SGMS1: variants seen among roughly 807,000 people sequenced by gnomAD.
The protein encoded by SGMS1 is sphingomyelin synthase 1, also known as phosphatidylcholine:ceramide cholinephosphotransferase 1.
SGMS1 carries 13 observed loss-of-function variants against 46.2 expected under a neutral mutation model. That is an observed-to-expected ratio of 0.28 (90% CI 0.18 to 0.45). The LOEUF (loss-of-function observed/expected upper bound fraction) is 0.45. Ranked by LOEUF, SGMS1 falls within the 20% of genes least tolerant of loss-of-function variation. The pLI is 1.00. For synonymous variants in SGMS1, 203 were observed against 187.8 expected, an observed-to-expected ratio of 1.08 and a Z score of -0.66; for missense variants, 324 against 519.9, an observed-to-expected ratio of 0.62 and a Z score of 3.66.
chr10:50,402,847 C>A (rs548293223), intron 6 of SGMS1, among the ~76,000 whole-genome samples: 3 of 151,994 alleles, frequency 2.0e-5, no homozygotes, highest in Non-Finnish European at 2.9e-5. Context: ...GAGCAGTGTA[C>A]CCTGTACCCC....
chr10:50,571,534 A>G (rs1237599295), intron 2 of SGMS1, among the ~76,000 whole-genome samples: 1 of 152,202 alleles, frequency 6.6e-6, no homozygotes, highest in African/African-American at 2.4e-5. Flanking sequence ...CATAGTGTCC[A>G]GCACATCACA....
chr10:50,480,238 A>G (rs1837463877), intron 3 of SGMS1, among the ~76,000 whole-genome samples: 1 of 152,132 alleles, frequency 6.6e-6, no homozygotes, highest in Non-Finnish European at 1.5e-5. Context: ...TTTGGTCCAC[A>G]TGGTCCACAT....
At chr10:50,592,392 T>C (rs1564439742) in intron 1 of SGMS1, among the ~76,000 whole-genome samples, 3 of 152,226 alleles carry the variant, frequency 2.0e-5, no homozygotes, top group Non-Finnish European at 4.4e-5. Flanking sequence ...TTTTTGGCCA[T>C]GCTCTTAGAT....
At chr10:50,588,456 G>A (rs907304996) in intron 2 of SGMS1, among the ~76,000 whole-genome samples, 16 of 151,990 alleles carry the variant, frequency 1.1e-4, no homozygotes, top group African/African-American at 3.9e-4. Context: ...ATAACTGATG[G>A]TGTAATTGGC....
chr10:50,541,722 A>C (rs1838054242), intron 2 of SGMS1, among the ~76,000 whole-genome samples: 1 of 152,188 alleles, frequency 6.6e-6, no homozygotes, highest in African/African-American at 2.4e-5. Flanking sequence ...ATGTTTGGGA[A>C]GGAAAAGGGG....
chr10:50,428,074 G>A (rs895724251), intron 6 of SGMS1, among the ~76,000 whole-genome samples: 1 of 152,024 alleles, frequency 6.6e-6, no homozygotes, highest in African/African-American at 2.4e-5. Context: ...AAAAAGAGTA[G>A]ATCAGTTTAG....
At chr10:50,322,629 G>A (rs1298900472) in intron 8 of SGMS1, among the ~76,000 whole-genome samples, 1 of 151,316 alleles carries the variant, frequency 6.6e-6, no homozygotes, top group Non-Finnish European at 1.5e-5. Flanking sequence ...TCAGGAGATC[G>A]AGACCATCCT....
chr10:50,327,101 T>C, intron 8 of SGMS1, 104 bp downstream of exon 8: 1 of 667,118 alleles, frequency 1.5e-6, no homozygotes, highest in African/African-American at 1.8e-5. Flanking sequence ...GAGGAGTGAC[T>C]CCACTGTATT....
intron 6 of SGMS1, among the ~76,000 whole-genome samples, chr10:50,406,866 A>T (rs1210581219): frequency 1.3e-5 from 2 of 151,790 alleles, no homozygotes; most frequent in Non-Finnish European, 2.9e-5. Flanking sequence ...CACCACACCT[A>T]GGTAATTTTT....
intron 3 of SGMS1, among the ~76,000 whole-genome samples, chr10:50,508,837 TC>T (rs1837729964): frequency 6.6e-6 from 1 of 152,228 alleles, no homozygotes; most frequent in South Asian, 2.1e-4. Flanking sequence ...AATTCAAATG[TC>T]ATCTCCTATG....
At chr10:50,548,850 A>T (rs983738675) in intron 2 of SGMS1, among the ~76,000 whole-genome samples, 1 of 152,134 alleles carries the variant, frequency 6.6e-6, no homozygotes, top group African/African-American at 2.4e-5. Context: ...AGGAACTTAA[A>T]TTTACAAGAA....
chr10:50,436,791 T>C (rs1463470190), intron 5 of SGMS1, among the ~76,000 whole-genome samples: 1 of 122,296 alleles, frequency 8.2e-6, no homozygotes, highest in Admixed American at 8.5e-5. Flanking sequence ...GTGGGAAAAG[T>C]TCCTGTGGCC....
chr10:50,624,315 G>A (rs1838892958), upstream of SGMS1, among the ~76,000 whole-genome samples: 1 of 152,124 alleles, frequency 6.6e-6, no homozygotes, highest in Non-Finnish European at 1.5e-5. Flanking sequence ...CGCAAACTCA[G>A]CCTGCTGGAA....
chr10:50,550,863 T>C lies in SGMS1; in HGVS notation c.-588-30942A>G, dbSNP rs115246204. 7.9e-3 allele frequency among the ~76,000 whole-genome samples: 1,202 copies of C among 152,266 alleles called. 15 individuals carry two copies. The highest frequency in any genetic ancestry group is 0.027 in the African/African-American group (1,138 of 41,552). Reference sequence around the variant, plus strand: ...TCCCGAAGGCCAAAGCTGGAACAACTTGACCAACCAAATAAATAATGTAGT... The same window carrying C: ...TCCCGAAGGCCAAAGCTGGAACAACCTGACCAACCAAATAAATAATGTAGT... On this transcript the variant is annotated intron_variant, in intron 2 of 10. Transcript: ENST00000361781.
intron 6 of SGMS1, among the ~76,000 whole-genome samples, chr10:50,373,316 T>C (rs962996732): frequency 1.1e-4 from 16 of 152,206 alleles, no homozygotes; most frequent in Non-Finnish European, 1.6e-4. Flanking sequence ...AATTATTCCT[T>C]CCCAAACAGG....
intron 6 of SGMS1, among the ~76,000 whole-genome samples, chr10:50,414,605 C>T (rs1564906961): frequency 6.6e-6 from 1 of 152,086 alleles, no homozygotes; most frequent in Non-Finnish European, 1.5e-5. Context: ...CTTCAACAGC[C>T]CTCTAAGGTA....
Position 50,344,234 on chromosome 10 carries a change from A to T in SGMS1, c.-120T>A. On this transcript the variant is annotated 5_prime_UTR_variant, in exon 7 of 11. Coordinates refer to ENST00000361781, the MANE Select transcript of SGMS1 (RefSeq NM_147156.4). ...TCATCCTGTGGGGCCTCATGAGCAG[A>T]GACTTGTTTGGCAAGATGGTCAGGG... 1 of 1,374,610 alleles carries T rather than the reference A, an allele frequency of 7.3e-7. No homozygotes were observed. The highest frequency in any genetic ancestry group is 9.7e-7 in the Non-Finnish European group (1 of 1,029,368). The allele number at this position is 1,374,610 out of a possible 1,614,324, so 85.2% of individuals were successfully genotyped here.
At chr10:50,415,002 T>A (rs1351830243) in intron 6 of SGMS1, among the ~76,000 whole-genome samples, 1 of 152,216 alleles carries the variant, frequency 6.6e-6, no homozygotes, top group African/African-American at 2.4e-5. Context: ...GCGCCTGTAG[T>A]CCCAGCTATT....
chr10:50,436,157 T>G (rs1849471483), intron 5 of SGMS1, among the ~76,000 whole-genome samples: 1 of 152,112 alleles, frequency 6.6e-6, no homozygotes, highest in African/African-American at 2.4e-5. Flanking sequence ...CAGGCTGGAG[T>G]GCAGTGGCAC....
Sources: gnomAD v4.1 joint callset for allele counts (sites outside exome capture counted in the v4.1 genomes callset) on GRCh38, gnomAD v4.1.1 for gene constraint, MANE v1.5 for transcripts, NCBI Gene and HGNC (gene_info 2026-07-23, HGNC 2026-07-21) for gene names.